Variants in LPA observed in about 807,000 individuals in gnomAD.
LPA encodes apolipoprotein(a).
In LPA, 199 loss-of-function variants were observed where a neutral mutation model predicts 197.9. The observed-to-expected ratio is 1.01, with a 90% CI of 0.90 to 1.13. The LOEUF is 1.13. Among genes scored for constraint, LPA ranks in the 50% most tolerant of loss-of-function variants. LPA has a pLI of 0.00. For synonymous variants in LPA, 715 were observed against 639.5 expected (o/e 1.12, Z -1.78); for missense variants, 1,853 against 1,785.8 (o/e 1.04, Z -0.68).
intron 16 of LPA, among the ~76,000 whole-genome samples, chr6:160,607,156 C>T (rs1172568201): frequency 6.6e-6 from 1 of 152,186 alleles, no homozygotes; most frequent in East Asian, 1.9e-4. Context: ...ATAACCTTTC[C>T]AGGTCAACCT....
Position 160,578,564 on chromosome 6 carries a change from G to C in LPA, c.4430C>G (p.Thr1477Arg), listed in dbSNP as rs1328788663. Residue 1477 changes from threonine (T) to arginine (R), a missense_variant, in exon 27 of 39, where the codon ACA becomes AGA. This residue lies in a region of LPA where 1,737 missense variants were observed against 1,504.4 expected (regional missense o/e 1.15). Coordinates refer to ENST00000316300, the MANE Select transcript of LPA (RefSeq NM_005577.4). ...VTESSVLTTPTVAPVPSTEAP... is the reference protein window; with the variant it reads ...VTESSVLTTPRVAPVPSTEAP... ...CTCTGTGCTTGGAACCGGGGCCACTGTGGGAGTTGTGAGGACACTCGATTC... is the reference window on the plus strand; with the variant it reads ...CTCTGTGCTTGGAACCGGGGCCACTCTGGGAGTTGTGAGGACACTCGATTC... The C allele has an allele frequency of 2.5e-6, 4 of 1,613,914 alleles. No individual in the cohort carries two copies. The highest frequency in any genetic ancestry group is 2.5e-6 in the Non-Finnish European group (3 of 1,179,804).
intron 32 of LPA, among the ~76,000 whole-genome samples, chr6:160,547,079 G>A (rs1225191469): frequency 6.6e-6 from 1 of 152,100 alleles, no homozygotes; most frequent in Non-Finnish European, 1.5e-5. Flanking sequence ...GGGGGCGATG[G>A]TTAAAGGATG....
At chr6:160,593,653 G>A (rs1334202216) in intron 22 of LPA, among the ~76,000 whole-genome samples, 2 of 152,168 alleles carry the variant, frequency 1.3e-5, no homozygotes, top group Non-Finnish European at 2.9e-5. Flanking sequence ...TATTGCATTG[G>A]TCTTTAGTGG....
chr6:160,540,180 G>A lies in LPA; in HGVS notation c.5598C>T (p.Ser1866=). 1.9e-6 allele frequency: 3 copies of A among 1,614,134 alleles called. No individual in the cohort carries two copies. The highest frequency in any genetic ancestry group is 2.2e-5 in the South Asian group (2 of 91,082). The part of the protein sequence containing the change: ...VLTAAHCLKK[S]SRPSSYKVIL... Reference sequence around the variant, plus strand: ...TGACCTTGTAGGATGAAGGCCTTGAGGACCTAGAAAAGATGAGGATGTCAA... The same window carrying A: ...TGACCTTGTAGGATGAAGGCCTTGAAGACCTAGAAAAGATGAGGATGTCAA... The change falls in exon 36 of 39, where the codon TCC becomes TCT. Residue 1866 remains serine (S), a synonymous_variant. Coordinates refer to ENST00000316300, the MANE Select transcript of LPA (RefSeq NM_005577.4).
At position 160,564,467 on chromosome 6, in the gene LPA, G is replaced by A. The variant is rs142848979; in HGVS notation, c.4632-6896C>T. Among the ~76,000 whole-genome samples, 125 of 152,280 alleles carry A rather than the reference G, an allele frequency of 8.2e-4. 3 individuals carry two copies. Among genetic ancestry groups the A allele is most frequent in the Admixed American group, 6.9e-3 (105 of 15,284 alleles). ...TTCTTCAGTTTTGGAATTCAGACTG[G>A]CTTTTCTTGCTCCTCAGCCTGCAGA... On this transcript the variant is annotated intron_variant, in intron 28 of 38. Coordinates refer to ENST00000316300, the MANE Select transcript of LPA (RefSeq NM_005577.4).
At chr6:160,565,329 A>T (rs1328842707) in intron 28 of LPA, among the ~76,000 whole-genome samples, 1 of 152,190 alleles carries the variant, frequency 6.6e-6, no homozygotes. Context: ...TGAAGCTTCC[A>T]GAGGAAGAAT....
rs555070717 is a variant in LPA at position 160,595,780 on chromosome 6, C to T, written c.3288-245G>A. On this transcript the variant is annotated intron_variant, in intron 20 of 38. Transcript: ENST00000316300. ...GCTCCATAAGAAAATTGAGAGTAAA[C>T]ATCAATGTTTACTCTGTACATTGTG... Among the ~76,000 whole-genome samples the T allele has an allele frequency of 4.6e-5, 7 of 152,306 alleles. No homozygotes were observed. The South Asian group carries it at 6.2e-4, about 14-fold the overall frequency.
intron 24 of LPA, among the ~76,000 whole-genome samples, chr6:160,587,285 C>A (rs947981940): frequency 5.9e-5 from 9 of 152,308 alleles, no homozygotes; most frequent in African/African-American, 2.2e-4. Flanking sequence ...TTCAAAGAAC[C>A]TAACTTTCTG....
rs1780151221 is a variant in LPA, at chr6:160,657,438, T to G, written c.49+6728A>C. On this transcript the variant is annotated intron_variant, in intron 1 of 38. Coordinates refer to ENST00000316300, the MANE Select transcript of LPA (RefSeq NM_005577.4). ...TTTTGGAAATGGAGTCTTGCTCTGT[T>G]ACCAGGCTGGAATGCAGTGGGGCGA... Among the ~76,000 whole-genome samples the G allele has an allele frequency of 2.6e-5, 4 of 151,130 alleles. No individual in the cohort carries two copies. The South Asian group carries it at 8.4e-4, about 32-fold the overall frequency.
Position 160,650,437 on chromosome 6 carries a change from C to T in LPA, c.110G>A (p.Arg37Gln), listed in dbSNP as rs775410119. ...DCYHGDGQSYRGTYSTTVTGR... is the reference protein window; with the variant it reads ...DCYHGDGQSYQGTYSTTVTGR... ...TGTGACAGTGGTGGAGTACGTGCCT[C>T]GATAACTCTGTCCATCACCATGGTA... Residue 37 changes from arginine (R) to glutamine (Q), a missense_variant, in exon 2 of 39, where the codon CGA becomes CAA. By Grantham distance (43) the Arg-to-Gln change is conservative. This residue lies in a region of LPA where 88 missense variants were observed against 83.0 expected (regional missense o/e 1.06). Coordinates refer to ENST00000316300, the MANE Select transcript of LPA (RefSeq NM_005577.4). The T allele has an allele frequency of 1.2e-5, 19 of 1,613,732 alleles. No individual in the cohort carries two copies. The highest frequency in any genetic ancestry group is 5.0e-5 in the Admixed American group (3 of 59,978).
chr6:160,535,291 A>ATGATGGTGGTGGTAATGT (rs1777872430), intron 37 of LPA, among the ~76,000 whole-genome samples: 1 of 144,180 alleles, frequency 6.9e-6, no homozygotes, highest in Non-Finnish European at 1.5e-5. Context: ...GGTGATAGTG[A>ATGATGGTGGTGGTAATGT]TGATGGTGGT....
At chr6:160,654,041 A>AT (rs1404152039) in intron 1 of LPA, among the ~76,000 whole-genome samples, 362 of 13,576 alleles carry the variant, frequency 0.027, 35 homozygotes, top group Middle Eastern at 0.05. Context: ...TATATTATAT[A>AT]TAATATATAA....
intron 28 of LPA, among the ~76,000 whole-genome samples, chr6:160,562,953 T>C (rs911744588): frequency 3.3e-5 from 5 of 152,232 alleles, no homozygotes; most frequent in Non-Finnish European, 5.9e-5. Context: ...TTGATTCTTC[T>C]CTATTTTCTT....
chr6:160,599,072 G>A (rs376262114), intron 20 of LPA, among the ~76,000 whole-genome samples: 10 of 152,138 alleles, frequency 6.6e-5, no homozygotes, highest in African/African-American at 9.7e-5. Context: ...AGCCAGGCAC[G>A]GTGGCTCACG....
At chr6:160,584,994 G>A (rs967045341) in intron 26 of LPA, 52 bp downstream of exon 26, 11 of 1,592,196 alleles carry the variant, frequency 6.9e-6, no homozygotes, top group Admixed American at 3.3e-5. Flanking sequence ...GGCCAGCTAA[G>A]AGAAATTTTA....
rs566776333 is a variant in LPA, at chr6:160,569,996, A to G, written c.4631+7140T>C. Among the ~76,000 whole-genome samples, 12 of 152,318 alleles carry G rather than the reference A, an allele frequency of 7.9e-5. No individual in the cohort carries two copies. In the South Asian group the frequency reaches 2.5e-3, roughly 32 times the overall value. ...AAAGTCAGGAAACAACAGATGCTAG[A>G]GAGGATGTGGAGAAATAGGAACATT... On this transcript the variant is annotated intron_variant, in intron 28 of 38. Coordinates refer to ENST00000316300, the MANE Select transcript of LPA (RefSeq NM_005577.4).
chr6:160,591,087 T>A lies in LPA; in HGVS notation c.3644A>T (p.Asn1215Ile). 9.3e-6 allele frequency: 15 copies of A among 1,613,672 alleles called. No individual in the cohort carries two copies. The highest frequency in any genetic ancestry group is 1.2e-5 in the Non-Finnish European group (14 of 1,179,882). Reference protein sequence around the residue: ...EYYPNGGLTRNYCRNPDAEIS... With the variant: ...EYYPNGGLTRIYCRNPDAEIS... Reference sequence around the variant, plus strand: ...CTCAGCATCTGGATTCCTGCAGTAGTTCCTGGTCAGGCCACTGCAAATTAC... The same window carrying A: ...CTCAGCATCTGGATTCCTGCAGTAGATCCTGGTCAGGCCACTGCAAATTAC... Residue 1215 changes from asparagine to isoleucine, a missense_variant, in exon 23 of 39, where the codon AAC (asparagine) becomes ATC (isoleucine). By Grantham distance (149) the Asn-to-Ile change is moderately radical. Transcript: ENST00000316300.
chr6:160,663,980 G>A (rs376459270), intron 1 of LPA, among the ~76,000 whole-genome samples, 186 bp downstream of exon 1: 7 of 152,202 alleles, frequency 4.6e-5, no homozygotes, highest in African/African-American at 9.6e-5. Flanking sequence ...TTCCAGCACC[G>A]TGACAGTCTT....
Position 160,599,348 on chromosome 6 carries a change from A to G in LPA, c.3287+152T>C, listed in dbSNP as rs549471592. ...ACAAAGCAAGACTCTGTCTCAAAAAAACAAAGTCTTCTCTAAGAACTTTTG... is the reference window on the plus strand; with the variant it reads ...ACAAAGCAAGACTCTGTCTCAAAAAGACAAAGTCTTCTCTAAGAACTTTTG... On this transcript the variant is annotated intron_variant, in intron 20 of 38. Transcript: ENST00000316300. The G allele has an allele frequency of 4.8e-6, 6 of 1,246,210 alleles. No homozygotes were observed. In the South Asian group the frequency reaches 7.6e-5, roughly 16 times the overall value. 77.2% of individuals were successfully genotyped at this position (1,246,210 alleles called of 1,614,324 possible). A position where few individuals can be genotyped will look rare whatever the true frequency, so the allele number is the denominator to read the frequency against.
Sources: allele counts gnomAD v4.1 joint callset (sites outside exome capture counted in the v4.1 genomes callset), GRCh38; gene constraint gnomAD v4.1.1; regional missense constraint gnomAD v4.1.1; transcripts MANE v1.5; gene names NCBI Gene and HGNC (gene_info 2026-07-23, HGNC 2026-07-21).